The following GSDMC variants were observed in gnomAD, a reference collection of about 807,000 sequenced individuals.
GSDMC encodes gasdermin-C.
GSDMC carries 59 observed loss-of-function variants against 58.0 expected under a neutral mutation model. The observed-to-expected ratio is 1.02, with a 90% confidence interval of 0.82 to 1.26. The LOEUF (loss-of-function observed/expected upper bound fraction) is 1.26. Ranked by LOEUF, GSDMC falls within the 50% of genes most tolerant of loss-of-function variation. The pLI is 0.00. For synonymous variants in GSDMC, 241 were observed against 220.2 expected, an observed-to-expected ratio of 1.09 and a Z score of -0.83; for missense variants, 659 against 598.5, an observed-to-expected ratio of 1.10 and a Z score of -1.06.
In GSDMC at chr8:129,762,734, G is replaced by A; in HGVS notation, c.571-3C>T. 6.3e-7 allele frequency: 1 copy of A among 1,595,790 alleles called. No individual in the cohort carries two copies. The highest frequency in any genetic ancestry group is 8.6e-7 in the Non-Finnish European group (1 of 1,163,300). On this transcript the variant is annotated splice_polypyrimidine_tract_variant and splice_region_variant and intron_variant, in intron 4 of 13. Transcript: ENST00000276708. ...AGACTCTCTCCTTGGCCTTGACCCT[G>A]GGGAGAGAAACCAGACAATACAGTA...
intron 6 of GSDMC, among the ~76,000 whole-genome samples, chr8:129,753,229 A>T (rs1041023330): frequency 1.7e-4 from 26 of 152,200 alleles, no homozygotes; most frequent in African/African-American, 5.8e-4. Context: ...CACAGAAATG[A>T]AAGTGTCTCA....
chr8:129,765,179 T>A (rs570150854), intron 4 of GSDMC, among the ~76,000 whole-genome samples: 1 of 152,324 alleles, frequency 6.6e-6, no homozygotes, highest in South Asian at 2.1e-4. Context: ...TCACATGTGC[T>A]TGAAGATACT....
chr8:129,779,916 AT>A (rs201400472), intron 1 of GSDMC, among the ~76,000 whole-genome samples: 2 of 152,062 alleles, frequency 1.3e-5, no homozygotes, highest in African/African-American at 4.8e-5. Flanking sequence ...TATCAGATAA[AT>A]TTTTTAAGGA....
chr8:129,756,257 C>CA (rs60890741), intron 6 of GSDMC, among the ~76,000 whole-genome samples: 22,374 of 149,890 alleles, frequency 0.15, 2,004 homozygotes, highest in East Asian at 0.31. Flanking sequence ...TAAGGAGAGA[C>CA]AAAAAAAGGT....
the GSDMC span, among the ~76,000 whole-genome samples, chr8:129,712,052 T>C: frequency 6.6e-6 from 1 of 151,892 alleles, no homozygotes; most frequent in Non-Finnish European, 1.5e-5. Flanking sequence ...AGCCCAGGAG[T>C]TTGAGGCCTG....
At chr8:129,731,529 A>G in the GSDMC span, among the ~76,000 whole-genome samples, 1 of 152,244 alleles carries the variant, frequency 6.6e-6, no homozygotes, top group Non-Finnish European at 1.5e-5. Context: ...AACAAGTCCA[A>G]AACCTGGAGT....
rs2034545849 is a variant in GSDMC, at chr8:129,786,036, A to G, written c.-30T>C. 6.6e-6 allele frequency: 1 copy of G among 152,174 alleles called. No homozygotes were observed. Among genetic ancestry groups the G allele is most frequent in the African/African-American group, 2.4e-5 (1 of 41,440 alleles). The allele number at this position is 152,174 out of a possible 1,614,324, so 9.4% of individuals were successfully genotyped here. A position where few individuals can be genotyped will look rare whatever the true frequency, so the allele number is the denominator to read the frequency against. ...CAGATTATATATCCCTTTGTCCTGT[A>G]GAGAAATAGCAGGATTGGCCGGGCA... On this transcript the variant is annotated 5_prime_UTR_variant, in exon 1 of 14. Transcript: ENST00000276708.
chr8:129,716,196 A>T, the GSDMC span, among the ~76,000 whole-genome samples: 1 of 152,220 alleles, frequency 6.6e-6, no homozygotes, highest in Admixed American at 6.5e-5. Context: ...TAAATATCCA[A>T]ATTAAAAGGC....
Position 129,782,529 on chromosome 8 carries a change from T to C in GSDMC, c.-5+3482A>G, listed in dbSNP as rs2034444139. 2.6e-5 allele frequency among the ~76,000 whole-genome samples: 4 copies of C among 151,846 alleles called. No homozygotes were observed. In the South Asian group the frequency reaches 8.3e-4, roughly 31 times the overall value. On this transcript the variant is annotated intron_variant, in intron 1 of 13. Coordinates refer to ENST00000276708, the MANE Select transcript of GSDMC (RefSeq NM_031415.3). Reference sequence around the variant, plus strand: ...AAATCACAGATGAAAAAGAAAACATTACAACTGATATTGCAGGAATTCAAA... The same window carrying C: ...AAATCACAGATGAAAAAGAAAACATCACAACTGATATTGCAGGAATTCAAA...
At chr8:129,719,333 G>A in the GSDMC span, among the ~76,000 whole-genome samples, 3 of 152,222 alleles carry the variant, frequency 2.0e-5, no homozygotes, top group South Asian at 6.2e-4. Flanking sequence ...TAACAATTCT[G>A]AATGTTTATG....
At chr8:129,735,826 T>C in the GSDMC span, among the ~76,000 whole-genome samples, 3 of 152,062 alleles carry the variant, frequency 2.0e-5, no homozygotes, top group Admixed American at 6.5e-5. Flanking sequence ...CTAAAGGAGA[T>C]AGAGACACAA....
At position 129,764,486 on chromosome 8, in the gene GSDMC, T is replaced by G. The variant is rs548053067; in HGVS notation, c.570+1142A>C. ...CCCCACTCTCAATGAGGACTTGCAC[T>G]TATTTTCCTTTTCCATTATGGCTTC... On this transcript the variant is annotated intron_variant, in intron 4 of 13. Transcript: ENST00000276708. Among the ~76,000 whole-genome samples the G allele has an allele frequency of 3.3e-5, 5 of 152,302 alleles. No individual in the cohort carries two copies. The East Asian group carries it at 9.6e-4, about 29-fold the overall frequency.
Position 129,748,486 on chromosome 8 carries a change from C to T in GSDMC, c.*15G>A. The T allele has an allele frequency of 6.3e-7, 1 of 1,589,174 alleles. No homozygotes were observed. ...AGGGCCAGCATCTCTGGACTGACTG[C>T]CCATCAGGGAGGGCTTAGGCCTCAG... On this transcript the variant is annotated 3_prime_UTR_variant, in exon 14 of 14. Transcript: ENST00000276708.
chr8:129,731,126 T>C, the GSDMC span, among the ~76,000 whole-genome samples: 1 of 152,144 alleles, frequency 6.6e-6, no homozygotes, highest in East Asian at 1.9e-4. Context: ...ATAATTTTAA[T>C]ATAAAAAAAC....
chr8:129,783,618 C>T (rs757989101), intron 1 of GSDMC, among the ~76,000 whole-genome samples: 15 of 152,008 alleles, frequency 9.9e-5, no homozygotes, highest in Non-Finnish European at 2.1e-4. Context: ...AAAGATATTC[C>T]ATGTTCATAG....
intron 7 of GSDMC, 26 bp downstream of exon 7, chr8:129,752,672 A>C (rs374820339): frequency 4.3e-6 from 7 of 1,613,276 alleles, no homozygotes; most frequent in Non-Finnish European, 5.9e-6. Flanking sequence ...ACATAGAAGT[A>C]AAAATAAAGT....
intron 1 of GSDMC, among the ~76,000 whole-genome samples, 196 bp downstream of exon 1, chr8:129,785,815 A>G (rs2034540138): frequency 6.6e-6 from 1 of 151,926 alleles, no homozygotes; most frequent in Non-Finnish European, 1.5e-5. Flanking sequence ...CTGTGCAATA[A>G]TGTATCGAAG....
the GSDMC span, among the ~76,000 whole-genome samples, chr8:129,716,150 A>T: frequency 6.6e-6 from 1 of 152,252 alleles, no homozygotes; most frequent in Admixed American, 6.5e-5. Context: ...AGACTTAAAC[A>T]TGCCATATCA....
chr8:129,771,871 A>G (rs1474728005), intron 3 of GSDMC, among the ~76,000 whole-genome samples: 1 of 152,258 alleles, frequency 6.6e-6, no homozygotes, highest in Non-Finnish European at 1.5e-5. Context: ...CTTATGGGAT[A>G]CAACAAAAGC....
Sources: gnomAD v4.1 joint callset for allele counts (sites outside exome capture counted in the v4.1 genomes callset) on GRCh38, gnomAD v4.1.1 for gene constraint, MANE v1.5 for transcripts, NCBI Gene and HGNC (gene_info 2026-07-23, HGNC 2026-07-21) for gene names.